Variants in B3GALT1 observed in about 807,000 individuals in gnomAD.
The protein encoded by B3GALT1 is UDP-Gal:betaGlcNAc beta 1,3-galactosyltransferase, polypeptide 1.
Under a neutral mutation model 23.2 loss-of-function variants are expected in B3GALT1, and 10 were observed. The ratio of observed to expected loss-of-function variants is 0.43; its 90% CI spans 0.27 to 0.73. B3GALT1 has a LOEUF of 0.73. B3GALT1 is among the 30% of genes least tolerant of loss of function. The probability of loss-of-function intolerance (pLI) is 0.21; values close to 1 mark genes in which losing one functional copy is unlikely to be tolerated. For missense variants in B3GALT1, 299 were observed against 405.4 expected (o/e 0.74, Z 2.25); for synonymous variants, 156 against 141.5 (o/e 1.10, Z -0.73).
intron 1 of B3GALT1, among the ~76,000 whole-genome samples, chr2:167,350,591 C>T (rs1044692451): frequency 2.0e-5 from 3 of 152,138 alleles, no homozygotes; most frequent in Non-Finnish European, 4.4e-5. Context: ...CTGCATCCAG[C>T]GTATGAAAAC....
intron 1 of B3GALT1, among the ~76,000 whole-genome samples, chr2:167,364,745 G>C (rs1697561001): frequency 6.6e-6 from 1 of 152,182 alleles, no homozygotes; most frequent in African/African-American, 2.4e-5. Flanking sequence ...CATACACCCA[G>C]ATAGAAGTTG....
At chr2:167,574,481 T>C (rs1227156174) in intron 2 of B3GALT1, among the ~76,000 whole-genome samples, 2 of 151,710 alleles carry the variant, frequency 1.3e-5, no homozygotes, top group East Asian at 3.9e-4. Context: ...GCCCAGTTGA[T>C]TCAATTGATG....
intron 3 of B3GALT1, among the ~76,000 whole-genome samples, chr2:167,664,456 G>A (rs1003315099): frequency 0.01 from 1,596 of 152,016 alleles, 33 homozygotes; most frequent in African/African-American, 0.036. Context: ...CTCTTTTTTG[G>A]TTCTATATGA....
intron 4 of B3GALT1, among the ~76,000 whole-genome samples, chr2:167,854,397 A>G (rs932740449): frequency 6.6e-6 from 1 of 152,300 alleles, no homozygotes. Flanking sequence ...GCCATGAACA[A>G]TGCAGCCCAA....
At chr2:167,378,050 AAAAAG>A (rs1697792161) in intron 1 of B3GALT1, among the ~76,000 whole-genome samples, 1 of 152,164 alleles carries the variant, frequency 6.6e-6, no homozygotes, top group African/African-American at 2.4e-5. Flanking sequence ...GCTTGACTGG[AAAAAG>A]ATTTTATTTC....
At chr2:167,834,920 C>A (rs1349214726) in intron 4 of B3GALT1, among the ~76,000 whole-genome samples, 1 of 152,102 alleles carries the variant, frequency 6.6e-6, no homozygotes, top group Non-Finnish European at 1.5e-5. Context: ...AGAGGCCTGA[C>A]ATTTTTATGC....
intron 4 of B3GALT1, among the ~76,000 whole-genome samples, chr2:167,827,975 CCT>C (rs1455727399): frequency 2.0e-5 from 3 of 152,162 alleles, no homozygotes; most frequent in African/African-American, 7.2e-5. Flanking sequence ...CCTCCCCTGC[CCT>C]CTTAGGGTAG....
intron 3 of B3GALT1, among the ~76,000 whole-genome samples, chr2:167,761,721 G>A (rs545672310): frequency 2.6e-4 from 40 of 152,310 alleles, no homozygotes; most frequent in Non-Finnish European, 4.3e-4. Flanking sequence ...TTCCAAAGCT[G>A]TGAAGTTCAC....
intron 1 of B3GALT1, among the ~76,000 whole-genome samples, chr2:167,474,473 ATTG>A (rs944789335): frequency 3.3e-5 from 5 of 152,100 alleles, no homozygotes; most frequent in African/African-American, 1.2e-4. Flanking sequence ...TCTGGTCTGT[ATTG>A]TTACTGTCTT....
chr2:167,820,812 A>C (rs1333622670), intron 4 of B3GALT1, among the ~76,000 whole-genome samples: 2 of 152,248 alleles, frequency 1.3e-5, no homozygotes, highest in Admixed American at 1.3e-4. Flanking sequence ...GATTACAGCA[A>C]AGCAAGAAAA....
intron 3 of B3GALT1, among the ~76,000 whole-genome samples, chr2:167,653,236 A>G (rs2105465821): frequency 6.6e-6 from 1 of 152,312 alleles, no homozygotes; most frequent in South Asian, 2.1e-4. Context: ...TTAGTACAAA[A>G]AGGTCTGAAG....
chr2:167,675,314 C>G (rs1686405425), intron 3 of B3GALT1, among the ~76,000 whole-genome samples: 1 of 152,206 alleles, frequency 6.6e-6, no homozygotes, highest in Non-Finnish European at 1.5e-5. Context: ...CTGTCATACT[C>G]CAAGCCCCAT....
At chr2:167,854,797 G>A (rs768281474) in intron 4 of B3GALT1, among the ~76,000 whole-genome samples, 2 of 152,150 alleles carry the variant, frequency 1.3e-5, no homozygotes, top group Non-Finnish European at 2.9e-5. Context: ...CTGCCAAATC[G>A]GCCATGAGTG....
chr2:167,524,421 T>G (rs746161457), intron 2 of B3GALT1, among the ~76,000 whole-genome samples: 1 of 152,178 alleles, frequency 6.6e-6, no homozygotes, highest in Non-Finnish European at 1.5e-5. Context: ...GGTAAATAAT[T>G]CCTTTCCCAA....
intron 1 of B3GALT1, among the ~76,000 whole-genome samples, chr2:167,304,049 G>A (rs1396588865): frequency 2.0e-5 from 3 of 152,104 alleles, no homozygotes; most frequent in Non-Finnish European, 2.9e-5. Flanking sequence ...CCAATTTACA[G>A]TATTCCATTC....
intron 1 of B3GALT1, among the ~76,000 whole-genome samples, chr2:167,305,463 A>G (rs986758588): frequency 1.3e-5 from 2 of 152,140 alleles, no homozygotes; most frequent in Admixed American, 1.3e-4. Flanking sequence ...TCTTGTGCAT[A>G]TTATTTCACA....
At chr2:167,406,471 A>C (rs568164879) in intron 1 of B3GALT1, among the ~76,000 whole-genome samples, 2 of 152,158 alleles carry the variant, frequency 1.3e-5, no homozygotes, top group Non-Finnish European at 2.9e-5. Context: ...CCAGACTCCC[A>C]CATCCACAAT....
intron 2 of B3GALT1, among the ~76,000 whole-genome samples, chr2:167,533,990 T>C (rs1683373466): frequency 6.7e-6 from 1 of 149,338 alleles, no homozygotes; most frequent in Admixed American, 6.7e-5. Flanking sequence ...ATTGTTGCTG[T>C]TGAAAAGTTT....
chr2:167,293,734 C>T (rs1696297305), intron 1 of B3GALT1, among the ~76,000 whole-genome samples: 1 of 152,022 alleles, frequency 6.6e-6, no homozygotes, highest in Non-Finnish European at 1.5e-5. Context: ...GAAAGTCCAC[C>T]GTGGCTCGTA....
Sources: allele counts gnomAD v4.1 joint callset (sites outside exome capture counted in the v4.1 genomes callset), GRCh38; gene constraint gnomAD v4.1.1; transcripts MANE v1.5; gene names NCBI Gene and HGNC (gene_info 2026-07-23, HGNC 2026-07-21).